Variants in BTN3A1 observed in about 807,000 individuals in gnomAD.
BTN3A1 encodes butyrophilin subfamily 3 member A1.
A neutral mutation model predicts 43.0 loss-of-function variants in BTN3A1; 24 were observed. That is an observed-to-expected ratio of 0.56 (90% CI 0.40 to 0.78). The LOEUF (loss-of-function observed/expected upper bound fraction) is 0.78. BTN3A1 is among the 30% of genes least tolerant of loss of function. BTN3A1 has a pLI of 0.00. For synonymous variants in BTN3A1, 181 were observed against 234.7 expected (o/e 0.77, Z 2.09); for missense variants, 533 against 626.2 (o/e 0.85, Z 1.59).
At chr6:26,411,771 A>T in intron 9 of BTN3A1, 190 bp downstream of exon 9, 1 of 649,992 alleles carries the variant, frequency 1.5e-6, no homozygotes, top group Admixed American at 3.1e-5. Flanking sequence ...CTGAGAGCCC[A>T]GGGAACCAGG....
intron 8 of BTN3A1, 96 bp from the exon 9 acceptor site, chr6:26,411,459 A>C: frequency 6.9e-7 from 1 of 1,450,642 alleles, no homozygotes; most frequent in Non-Finnish European, 9.6e-7. Context: ...AGAGACTCTG[A>C]AGAAAAGGAG....
chr6:26,411,681 C>T (rs1333082372), intron 9 of BTN3A1, 100 bp downstream of exon 9: 9 of 1,415,928 alleles, frequency 6.4e-6, no homozygotes, highest in Non-Finnish European at 8.7e-6. Context: ...GGAAGAAAAG[C>T]TCCCATGACT....
At chr6:26,411,668 T>C in intron 9 of BTN3A1, 87 bp downstream of exon 9, 1 of 1,489,572 alleles carries the variant, frequency 6.7e-7, no homozygotes, top group Non-Finnish European at 9.1e-7. Context: ...TGTTGTGATT[T>C]GGGGAAGAAA....
rs375754872 is a variant in BTN3A1, at chr6:26,407,040, A to G, written c.434-631A>G. On this transcript the variant is annotated intron_variant, in intron 3 of 9. Coordinates refer to ENST00000289361, the MANE Select transcript of BTN3A1 (RefSeq NM_007048.6). Reference sequence around the variant, plus strand: ...CACTGCTGTGGTTTGGACAATGTTCATGTTTTTCTCTGTGCTCACACATGA... The same window carrying G: ...CACTGCTGTGGTTTGGACAATGTTCGTGTTTTTCTCTGTGCTCACACATGA... 2.9e-3 allele frequency among the ~76,000 whole-genome samples: 436 copies of G among 152,246 alleles called. 4 individuals are homozygous for G. The highest frequency in any genetic ancestry group is 0.01 in the African/African-American group (418 of 41,546).
At position 26,410,022 on chromosome 6, in the gene BTN3A1, G is replaced by A; in HGVS notation, c.954G>A (p.Gln318=). 6.2e-7 allele frequency: 1 copy of A among 1,614,086 alleles called. No individual in the cohort carries two copies. The highest frequency in any genetic ancestry group is 8.5e-7 in the Non-Finnish European group (1 of 1,180,016). ...CCGTTGCAGGATGGAGAAGTATCCA[G>A]TATGCATCTCGTAAGTGCCTCTGAC... ...LLEELRWRSI[Q]YASRGERHSA... The change falls in exon 7 of 10, where the codon CAG becomes CAA. Residue 318 remains glutamine (Q), a synonymous_variant. Coordinates refer to ENST00000289361, the MANE Select transcript of BTN3A1 (RefSeq NM_007048.6).
chr6:26,410,747 A>C (rs1037900545), intron 7 of BTN3A1, among the ~76,000 whole-genome samples: 1 of 150,146 alleles, frequency 6.7e-6, no homozygotes, highest in Admixed American at 6.7e-5. Flanking sequence ...ACATATATAC[A>C]TATATACACA....
chr6:26,403,396 T>C (rs1761914208), intron 1 of BTN3A1, among the ~76,000 whole-genome samples: 1 of 152,164 alleles, frequency 6.6e-6, no homozygotes. Context: ...CTTCCCTAGT[T>C]TGGACTATTT....
intron 9 of BTN3A1, chr6:26,412,238 G>A: frequency 5.2e-6 from 3 of 579,868 alleles, no homozygotes; most frequent in Non-Finnish European, 9.4e-6. Flanking sequence ...CACTGGGACG[G>A]CTAGGGAGGG....
chr6:26,411,424 T>C (rs1762213571), intron 8 of BTN3A1, 131 bp from the exon 9 acceptor site: 1 of 1,177,462 alleles, frequency 8.5e-7, no homozygotes, highest in South Asian at 1.4e-5. Flanking sequence ...ATCAGAGCTG[T>C]AGAAGAGGGA....
Position 26,404,714 on chromosome 6 carries a change from T to C in BTN3A1, c.-192-658T>C, listed in dbSNP as rs991451444. 3.2e-4 allele frequency among the ~76,000 whole-genome samples: 48 copies of C among 152,360 alleles called. 1 individual carries two copies. The highest frequency in any genetic ancestry group is 9.9e-4 in the African/African-American group (41 of 41,582). On this transcript the variant is annotated intron_variant, in intron 1 of 9. Transcript: ENST00000289361. ...TCACAGAGGCTTCTGTCTGCACCCA[T>C]GCAAGTACTTTGCTCGACTTGACAT...
intron 4 of BTN3A1, among the ~76,000 whole-genome samples, chr6:26,408,737 T>C (rs1246710134): frequency 6.6e-6 from 1 of 152,232 alleles, no homozygotes; most frequent in African/African-American, 2.4e-5. Context: ...AGATGTTCAC[T>C]GCTGGAGAAC....
In BTN3A1 at chr6:26,413,357, G is replaced by A; in HGVS notation, c.1207G>A (p.Asp403Asn). Residue 403 changes from aspartate to asparagine, a missense_variant, in exon 10 of 10, where the codon GAC (aspartate) becomes AAC (asparagine). Around this residue, in one of 4 missense-constraint regions of BTN3A1, gnomAD observed 415 missense variants for 427.0 expected, o/e 0.97. Transcript: ENST00000289361. ...ACATTACTGGGAGGTGGAGGTAGGG[G>A]ACAGGAAAGAGTGGCATATAGGGGT... ...GRHYWEVEVG[D>N]RKEWHIGVCS... The A allele has an allele frequency of 6.2e-7, 1 of 1,614,170 alleles. No homozygotes were observed. Among genetic ancestry groups the A allele is most frequent in the Non-Finnish European group, 8.5e-7 (1 of 1,180,048 alleles).
In BTN3A1 at chr6:26,405,950, A is replaced by G. The variant is rs763634366; in HGVS notation, c.127A>G (p.Met43Val). 1 of 1,612,762 alleles carries G rather than the reference A, an allele frequency of 6.2e-7. No individual in the cohort carries two copies. Among genetic ancestry groups the G allele is most frequent in the Non-Finnish European group, 8.5e-7 (1 of 1,179,290 alleles). The change falls in exon 3 of 10, where the codon ATG (methionine) becomes GTG (valine). Residue 43 changes from methionine (M) to valine (V), a missense_variant. Met to Val is a conservative substitution (Grantham distance 21). Coordinates refer to ENST00000289361, the MANE Select transcript of BTN3A1 (RefSeq NM_007048.6). ...VLGPSGPILAMVGEDADLPCH... is the reference protein window; with the variant it reads ...VLGPSGPILAVVGEDADLPCH... Reference sequence around the variant, plus strand: ...TGGACCCTCTGGGCCCATCCTGGCCATGGTGGGTGAAGACGCTGATCTGCC... The same window carrying G: ...TGGACCCTCTGGGCCCATCCTGGCCGTGGTGGGTGAAGACGCTGATCTGCC...
At chr6:26,411,025 A>AAT in intron 7 of BTN3A1, 84 bp from the exon 8 acceptor site, 1 of 796,992 alleles carries the variant, frequency 1.3e-6, no homozygotes, top group Non-Finnish European at 2.0e-6. Flanking sequence ...AAAAAAAAAG[A>AAT]TTAGATGGAT....
intron 1 of BTN3A1, among the ~76,000 whole-genome samples, 152 bp downstream of exon 1, chr6:26,402,564 C>T (rs1761889921): frequency 6.6e-6 from 1 of 152,146 alleles, no homozygotes; most frequent in African/African-American, 2.4e-5. Flanking sequence ...CATGTGGACA[C>T]ATGGAAAGGG....
intron 2 of BTN3A1, 72 bp from the exon 3 acceptor site, chr6:26,405,837 C>A: frequency 6.2e-7 from 1 of 1,610,768 alleles, no homozygotes; most frequent in South Asian, 1.1e-5. Context: ...CCTTCCCTGT[C>A]TGAGAAGCAC....
intron 9 of BTN3A1, chr6:26,412,402 C>T (rs1762250061): frequency 1.1e-6 from 1 of 882,778 alleles, no homozygotes; most frequent in East Asian, 2.6e-5. Flanking sequence ...TCCTTCCAAT[C>T]TCCTATCAGG....
In BTN3A1 at chr6:26,405,966, C is replaced by T. The variant is rs750226632; in HGVS notation, c.143C>T (p.Ala48Val). Residue 48 changes from alanine (A) to valine (V), a missense_variant, in exon 3 of 10, where the codon GCT becomes GTT. Transcript: ENST00000289361. ...ATCCTGGCCATGGTGGGTGAAGACG[C>T]TGATCTGCCCTGTCACCTGTTCCCG... ...GPILAMVGED[A>V]DLPCHLFPTM... 16 of 1,602,544 alleles carry T rather than the reference C, an allele frequency of 1.0e-5. No individual in the cohort carries two copies. The highest frequency in any genetic ancestry group is 3.4e-6 in the Non-Finnish European group (4 of 1,175,988).
chr6:26,412,147 A>G (rs1032206093), intron 9 of BTN3A1: 5 of 375,692 alleles, frequency 1.3e-5, no homozygotes, highest in African/African-American at 1.0e-4. Context: ...AGGTTTGCAG[A>G]AAGGAGGGTT....
Sources: gnomAD v4.1 joint callset for allele counts (sites outside exome capture counted in the v4.1 genomes callset) on GRCh38, gnomAD v4.1.1 for gene constraint, gnomAD v4.1.1 regional missense constraint, MANE v1.5 for transcripts, NCBI Gene and HGNC (gene_info 2026-07-23, HGNC 2026-07-21) for gene names.